SYNJ2: variants seen among roughly 807,000 people sequenced by gnomAD.
SYNJ2 encodes synaptojanin 2, also known as polyphosphatidylinositol phosphatase SYNJ2.
A neutral mutation model predicts 141.3 loss-of-function variants in SYNJ2; 116 were observed. The ratio of observed to expected loss-of-function variants is 0.82; its 90% CI spans 0.71 to 0.96. The LOEUF (loss-of-function observed/expected upper bound fraction) is 0.96, where lower values mean the gene tolerates loss of function less well. Ranked by LOEUF, SYNJ2 falls within the 40% of genes least tolerant of loss-of-function variation. The pLI, the probability that SYNJ2 is intolerant of heterozygous loss-of-function variation, is 0.00. For synonymous variants in SYNJ2, 745 were observed against 777.7 expected (o/e 0.96, Z 0.70); for missense variants, 1,873 against 1,934.8 (o/e 0.97, Z 0.60).
At chr6:158,030,123 A>G (rs1339571216) in intron 3 of SYNJ2, among the ~76,000 whole-genome samples, 1 of 152,232 alleles carries the variant, frequency 6.6e-6, no homozygotes, top group Non-Finnish European at 1.5e-5. Flanking sequence ...TTCACTCCAC[A>G]GCAGGACAGA....
intron 2 of SYNJ2, among the ~76,000 whole-genome samples, chr6:158,022,266 G>T (rs1778816924): frequency 6.6e-6 from 1 of 152,212 alleles, no homozygotes; most frequent in Non-Finnish European, 1.5e-5. Flanking sequence ...GGACCCCAGG[G>T]TTGGGATTGG....
At position 158,095,765 on chromosome 6, in the gene SYNJ2, G is replaced by T. The variant is rs958902952; in HGVS notation, c.3892G>T (p.Ala1298Ser). Residue 1298 changes from alanine to serine, a missense_variant, in exon 27 of 27, where the codon GCA becomes TCA. Physicochemically the swap from Ala to Ser is moderately conservative, Grantham distance 99. Coordinates refer to ENST00000355585, the MANE Select transcript of SYNJ2 (RefSeq NM_003898.4). ...AAGAACATTTCAGCCTGGGAAAGCT[G>T]CAGAGAGGCCAAGCCACAGGAAGCC... The part of the protein sequence containing the change: ...KPRTFQPGKA[A>S]ERPSHRKPAS... The T allele has an allele frequency of 4.3e-6, 7 of 1,614,034 alleles. No individual in the cohort carries two copies. Among genetic ancestry groups the T allele is most frequent in the Non-Finnish European group, 5.9e-6 (7 of 1,180,028 alleles).
At chr6:157,998,851 C>T (rs896447879) in intron 1 of SYNJ2, among the ~76,000 whole-genome samples, 3 of 152,232 alleles carry the variant, frequency 2.0e-5, no homozygotes, top group Non-Finnish European at 1.5e-5. Context: ...AACACACCCA[C>T]ATAGCCAGCA....
intron 1 of SYNJ2, among the ~76,000 whole-genome samples, chr6:157,989,667 A>C (rs931845971): frequency 1.3e-5 from 2 of 151,710 alleles, no homozygotes; most frequent in Non-Finnish European, 2.9e-5. Flanking sequence ...CTGAGCCTCC[A>C]CACGGATGTC....
chr6:157,997,822 C>T (rs1165336276), intron 1 of SYNJ2, among the ~76,000 whole-genome samples: 1 of 152,190 alleles, frequency 6.6e-6, no homozygotes, highest in Admixed American at 6.5e-5. Context: ...TACCAGGTAG[C>T]ACAACATATT....
chr6:158,005,393 C>A (rs1223495899), intron 1 of SYNJ2, among the ~76,000 whole-genome samples: 1 of 152,114 alleles, frequency 6.6e-6, no homozygotes, highest in Non-Finnish European at 1.5e-5. Context: ...GATCTTTGAC[C>A]CCACTGGGAT....
intron 1 of SYNJ2, among the ~76,000 whole-genome samples, chr6:157,988,142 G>GCAGC (rs1276340500): frequency 2.6e-5 from 4 of 152,270 alleles, no homozygotes; most frequent in Non-Finnish European, 4.4e-5. Context: ...GGCAGACTGT[G>GCAGC]CAGCCGTATG....
intron 1 of SYNJ2, among the ~76,000 whole-genome samples, chr6:157,992,401 C>CTTTTT (rs57905567): frequency 1.7e-5 from 2 of 120,346 alleles, no homozygotes; most frequent in Non-Finnish European, 1.8e-5. Flanking sequence ...TGGCTTGTTT[C>CTTTTT]TTTTTTTTTT....
At chr6:157,983,497 T>G (rs117929096) in intron 1 of SYNJ2, among the ~76,000 whole-genome samples, 110 of 152,378 alleles carry the variant, frequency 7.2e-4, no homozygotes, top group Non-Finnish European at 1.5e-3. Context: ...AAACTACTGT[T>G]TCATCAAATA....
intron 6 of SYNJ2, among the ~76,000 whole-genome samples, chr6:158,057,077 G>T (rs3812103): frequency 0.33 from 49,770 of 151,818 alleles, 8,373 homozygotes; most frequent in Middle Eastern, 0.47. Flanking sequence ...CCGCTCTGCG[G>T]GCGGCTGCTG....
In SYNJ2 at chr6:158,081,311, A is replaced by G; in HGVS notation, c.2770A>G (p.Thr924Ala). 1 of 1,614,074 alleles carries G rather than the reference A, an allele frequency of 6.2e-7. No homozygotes were observed. The highest frequency in any genetic ancestry group is 8.5e-7 in the Non-Finnish European group (1 of 1,180,014). Residue 924 changes from threonine to alanine, a missense_variant, in exon 19 of 27, where the codon ACA (threonine) becomes GCA (alanine). Transcript: ENST00000355585. Reference sequence around the variant, plus strand: ...CATGCAGACCTTGGGGAGTTATGGGACAATTGTTCTTGTCAGGTAACTGCT... The same window carrying G: ...CATGCAGACCTTGGGGAGTTATGGGGCAATTGTTCTTGTCAGGTAACTGCT... Reference protein sequence around the residue: ...ELMQTLGSYGTIVLVRINQGQ... With the variant: ...ELMQTLGSYGAIVLVRINQGQ...
chr6:158,020,658 C>T, intron 2 of SYNJ2, among the ~76,000 whole-genome samples: 1 of 150,890 alleles, frequency 6.6e-6, no homozygotes, highest in East Asian at 1.9e-4. Context: ...TTGCCTGACT[C>T]CAGCTGCGTG....
At chr6:158,067,450 A>T in intron 12 of SYNJ2, 1 of 985,370 alleles carries the variant, frequency 1.0e-6, no homozygotes, top group Non-Finnish European at 1.2e-6. Context: ...CCAAATGTTG[A>T]CACCTCACCT....
intron 2 of SYNJ2, among the ~76,000 whole-genome samples, chr6:158,024,839 G>A (rs1209138049): frequency 6.6e-6 from 1 of 152,154 alleles, no homozygotes; most frequent in Non-Finnish European, 1.5e-5. Flanking sequence ...ATAATAGATG[G>A]CAATGAGTAT....
chr6:157,982,169 C>A lies in SYNJ2; in HGVS notation c.127+81C>A. 3 of 1,250,184 alleles carry A rather than the reference C, an allele frequency of 2.4e-6. No homozygotes were observed. The highest frequency in any genetic ancestry group is 3.0e-5 in the South Asian group (1 of 33,608). 77.4% of individuals were successfully genotyped at this position (1,250,184 alleles called of 1,614,324 possible). ...AGCCTCGGGAAGACGGGTACCCCCC[C>A]TTCCCGAGGGGATCGGGCGGCGCTG... On this transcript the variant is annotated intron_variant, in intron 1 of 26. Transcript: ENST00000355585. This position sits in a 1 kb window ranked among gnomAD's most constrained non-coding sequence, Gnocchi z 4.0.
At chr6:157,992,084 A>T (rs1017653524) in intron 1 of SYNJ2, among the ~76,000 whole-genome samples, 33 of 152,254 alleles carry the variant, frequency 2.2e-4, no homozygotes, top group Non-Finnish European at 8.8e-5. Flanking sequence ...ATCATGGAAA[A>T]TGGGGCATCC....
intron 25 of SYNJ2, among the ~76,000 whole-genome samples, chr6:158,091,091 G>T (rs1282499737): frequency 6.6e-6 from 1 of 151,990 alleles, no homozygotes; most frequent in Non-Finnish European, 1.5e-5. Flanking sequence ...GCCGAGGCGG[G>T]TGGATCACGA....
rs1180922444 is a variant in SYNJ2 at position 158,040,682 on chromosome 6, T to G, written c.712-2634T>G. Among the ~76,000 whole-genome samples the G allele has an allele frequency of 6.6e-6, 1 of 152,158 alleles. No individual in the cohort carries two copies. Among genetic ancestry groups the G allele is most frequent in the Non-Finnish European group, 1.5e-5 (1 of 68,034 alleles). On this transcript the variant is annotated intron_variant, in intron 4 of 26. Coordinates refer to ENST00000355585, the MANE Select transcript of SYNJ2 (RefSeq NM_003898.4). This position sits in a 1 kb window ranked among gnomAD's most constrained non-coding sequence, Gnocchi z 4.2. ...AGACACTGTATCTGGAAGCAGAAGGTCAGCAGAAAGCCTTTCAGATAGAAG... is the reference window on the plus strand; with the variant it reads ...AGACACTGTATCTGGAAGCAGAAGGGCAGCAGAAAGCCTTTCAGATAGAAG...
intron 17 of SYNJ2, 119 bp from the exon 18 acceptor site, chr6:158,078,045 T>G: frequency 1.5e-6 from 1 of 653,836 alleles, no homozygotes; most frequent in Non-Finnish European, 2.7e-6. Context: ...GTAAGGAGGA[T>G]GAGTCTGGGA....
Sources: gnomAD v4.1 joint callset for allele counts (sites outside exome capture counted in the v4.1 genomes callset) on GRCh38, gnomAD v4.1.1 for gene constraint, Gnocchi (gnomAD v3.1) non-coding constraint, MANE v1.5 for transcripts, NCBI Gene and HGNC (gene_info 2026-07-23, HGNC 2026-07-21) for gene names.